Variants in SYCP2L observed in about 807,000 individuals in gnomAD.
The protein encoded by SYCP2L is synaptonemal complex protein 2 like, also known as synaptonemal complex protein 2-like.
In SYCP2L, 98 loss-of-function variants were observed where a neutral mutation model predicts 125.8. The ratio of observed to expected loss-of-function variants is 0.78; its 90% confidence interval spans 0.66 to 0.92. The LOEUF (loss-of-function observed/expected upper bound fraction) is 0.92. SYCP2L is among the 40% of genes least tolerant of loss of function. The pLI is 0.00. For missense variants in SYCP2L, 842 were observed against 936.4 expected, an observed-to-expected ratio of 0.90 and a Z score of 1.32; for synonymous variants, 317 against 325.4, an observed-to-expected ratio of 0.97 and a Z score of 0.28.
intron 16 of SYCP2L, among the ~76,000 whole-genome samples, chr6:10,926,943 C>A (rs2113349865): frequency 6.6e-6 from 1 of 152,196 alleles, no homozygotes; most frequent in East Asian, 1.9e-4. Context: ...CCATGCCCAG[C>A]TAATTTTTTG....
chr6:10,887,589 A>C (rs964128987), intron 1 of SYCP2L, among the ~76,000 whole-genome samples: 3 of 152,152 alleles, frequency 2.0e-5, no homozygotes, highest in East Asian at 1.9e-4. Context: ...ATAAAAAAAA[A>C]CACATGAAGT....
At chr6:10,962,310 A>AC (rs1781608541) in intron 28 of SYCP2L, among the ~76,000 whole-genome samples, 1 of 151,898 alleles carries the variant, frequency 6.6e-6, no homozygotes, top group African/African-American at 2.4e-5. Context: ...TCCAAAGCAA[A>AC]AAAAAAAATC....
chr6:10,967,884 C>A (rs1781707720), intron 29 of SYCP2L, among the ~76,000 whole-genome samples: 1 of 152,078 alleles, frequency 6.6e-6, no homozygotes, highest in Non-Finnish European at 1.5e-5. Flanking sequence ...TTTTCTCCAG[C>A]AAAATTCTGC....
At chr6:10,972,865 T>G (rs1419798747) in intron 29 of SYCP2L, among the ~76,000 whole-genome samples, 1 of 152,120 alleles carries the variant, frequency 6.6e-6, no homozygotes, top group East Asian at 1.9e-4. Flanking sequence ...ACAGTTTTCC[T>G]GGAAGCCCAA....
At chr6:10,891,422 T>A (rs889143321) in intron 1 of SYCP2L, 91 bp from the exon 2 acceptor site, 1 of 386,510 alleles carries the variant, frequency 2.6e-6, no homozygotes. Context: ...CCTTTAATTT[T>A]TTTTTTTTTT....
intron 29 of SYCP2L, 106 bp downstream of exon 29, chr6:10,963,949 C>A: frequency 1.3e-6 from 1 of 746,842 alleles, no homozygotes; most frequent in Non-Finnish European, 2.1e-6. Flanking sequence ...ATTTCTGCAG[C>A]GGAACTTCTC....
At chr6:10,928,210 T>C (rs1001727929) in intron 17 of SYCP2L, among the ~76,000 whole-genome samples, 193 bp from the exon 18 acceptor site, 1 of 151,710 alleles carries the variant, frequency 6.6e-6, no homozygotes, top group East Asian at 1.9e-4. Context: ...ACAAGGGTAT[T>C]GTGATACCCT....
chr6:10,942,668 G>A lies in SYCP2L; in HGVS notation c.1885-9G>A, dbSNP rs750989253. 1 of 1,612,510 alleles carries A rather than the reference G, an allele frequency of 6.2e-7. No homozygotes were observed. The highest frequency in any genetic ancestry group is 1.1e-5 in the South Asian group (1 of 90,910). The stretch of plus-strand genomic sequence containing the variant: ...AAGGACGTAATTTGTGGTCTGTTTT[G>A]TTTTTAAGATTGTGAACCAAGAATC... On this transcript the variant is annotated splice_polypyrimidine_tract_variant and intron_variant, in intron 22 of 29. Coordinates refer to ENST00000283141, the MANE Select transcript of SYCP2L (RefSeq NM_001040274.3).
intron 29 of SYCP2L, among the ~76,000 whole-genome samples, chr6:10,971,337 A>G (rs770483683): frequency 1.3e-5 from 2 of 151,770 alleles, no homozygotes; most frequent in Non-Finnish European, 2.9e-5. Context: ...ACGAGGCTGT[A>G]GTCCAAGCTA....
At chr6:10,937,138 T>C (rs1781112438) in intron 21 of SYCP2L, among the ~76,000 whole-genome samples, 1 of 152,240 alleles carries the variant, frequency 6.6e-6, no homozygotes, top group Non-Finnish European at 1.5e-5. Flanking sequence ...GGAACACTTA[T>C]TCTTCTCCAG....
At chr6:10,893,277 C>A (rs550352004) in intron 2 of SYCP2L, among the ~76,000 whole-genome samples, 22 of 152,312 alleles carry the variant, frequency 1.4e-4, no homozygotes, top group African/African-American at 5.1e-4. Flanking sequence ...GGATTACAGG[C>A]GTGCGCCACT....
chr6:10,893,968 T>A lies in SYCP2L; in HGVS notation c.180T>A (p.Arg60=). ...GCCACTTTCCTCAAAAATATAATCG[T>A]CTTCTATTATACCGTCTTGACAGAT... ...KESHFPQKYN[R]LLLYRLDRSI... is the part of the protein sequence containing the mutation. Residue 60 remains arginine, a synonymous_variant, in exon 3 of 30, where the codon CGT becomes CGA. Transcript: ENST00000283141. 1 of 1,612,032 alleles carries A rather than the reference T, an allele frequency of 6.2e-7. No individual in the cohort carries two copies. The highest frequency in any genetic ancestry group is 8.5e-7 in the Non-Finnish European group (1 of 1,179,562).
intron 6 of SYCP2L, among the ~76,000 whole-genome samples, chr6:10,899,714 G>A (rs1419332439): frequency 2.0e-5 from 3 of 152,178 alleles, no homozygotes; most frequent in Non-Finnish European, 2.9e-5. Flanking sequence ...ATTCTGCAAT[G>A]GATGGTATCT....
intron 2 of SYCP2L, among the ~76,000 whole-genome samples, chr6:10,893,182 G>A (rs1780204573): frequency 6.6e-6 from 1 of 152,046 alleles, no homozygotes. Flanking sequence ...ATTGTTGGTA[G>A]AGATGGGATT....
At position 10,887,089 on chromosome 6, in the gene SYCP2L, T is replaced by G. The variant is rs1780084486; in HGVS notation, c.-38T>G. On this transcript the variant is annotated 5_prime_UTR_variant, in exon 1 of 30. Transcript: ENST00000283141. ...GAGGGCCGACCGAGCGCAACAAAGC[T>G]GAGCGGCGCGTCGCTTCAGGAACGA... The G allele has an allele frequency of 6.2e-7, 1 of 1,614,004 alleles. No homozygotes were observed. The highest frequency in any genetic ancestry group is 1.1e-5 in the South Asian group (1 of 91,066).
At chr6:10,962,404 C>T (rs114884516) in intron 28 of SYCP2L, among the ~76,000 whole-genome samples, 2,057 of 148,764 alleles carry the variant, frequency 0.014, 20 homozygotes, top group Non-Finnish European at 0.021. Context: ...TTTCCACAAT[C>T]CCTCACACAC....
At chr6:10,902,241 A>G (rs1780389454) in intron 6 of SYCP2L, among the ~76,000 whole-genome samples, 1 of 152,190 alleles carries the variant, frequency 6.6e-6, no homozygotes, top group Admixed American at 6.5e-5. Flanking sequence ...TTGTAAGATT[A>G]TCTGTCACAT....
intron 6 of SYCP2L, among the ~76,000 whole-genome samples, chr6:10,901,406 A>G (rs1780374783): frequency 6.6e-6 from 1 of 151,942 alleles, no homozygotes; most frequent in African/African-American, 2.4e-5. Context: ...TTATCTTCTG[A>G]TATTAAGGGT....
chr6:10,891,613 CTGTGTGTGTGTGTG>C (rs3066124), intron 2 of SYCP2L, 32 bp downstream of exon 2: 2,168 of 119,446 alleles, frequency 0.018, 42 homozygotes, highest in African/African-American at 0.063. Context: ...TAATCTCTCT[CTGTGTGTGTGTGTG>C]TGTGTGTGTG....
Sources: allele counts gnomAD v4.1 joint callset (sites outside exome capture counted in the v4.1 genomes callset), GRCh38; gene constraint gnomAD v4.1.1; transcripts MANE v1.5; gene names NCBI Gene and HGNC (gene_info 2026-07-23, HGNC 2026-07-21).